The following TYW1B variants were observed in gnomAD, a reference collection of about 807,000 sequenced individuals.
The protein encoded by TYW1B is tRNA-yW synthesizing protein 1 homolog B, also known as S-adenosyl-L-methionine-dependent tRNA 4-demethylwyosine synthase TYW1B.
Under a neutral mutation model 86.9 loss-of-function variants are expected in TYW1B, and 73 were observed. The observed-to-expected ratio is 0.84, with a 90% CI of 0.70 to 1.02. TYW1B has a LOEUF of 1.02. Among genes scored for constraint, TYW1B ranks in the 50% least tolerant of loss-of-function variants. The pLI, the probability that TYW1B is intolerant of heterozygous loss-of-function variation, is 0.00. For synonymous variants in TYW1B, 248 were observed against 292.8 expected (o/e 0.85, Z 1.56); for missense variants, 637 against 827.4 (o/e 0.77, Z 2.82).
chr7:72,601,021 G>C (rs1430748624), intron 13 of TYW1B, among the ~76,000 whole-genome samples: 1 of 151,998 alleles, frequency 6.6e-6, no homozygotes, highest in Non-Finnish European at 1.5e-5. Flanking sequence ...GCTGGGTGTG[G>C]TGGCAGGCAC....
intron 6 of TYW1B, among the ~76,000 whole-genome samples, chr7:72,797,110 T>C (rs1563097088): frequency 6.6e-6 from 1 of 152,160 alleles, no homozygotes; most frequent in African/African-American, 2.4e-5. Flanking sequence ...CCCAGCCATA[T>C]ATATCTGGTC....
intron 6 of TYW1B, among the ~76,000 whole-genome samples, chr7:72,784,797 C>G (rs1363202323): frequency 2.0e-5 from 3 of 152,050 alleles, no homozygotes; most frequent in Non-Finnish European, 4.4e-5. Flanking sequence ...TGCGCCCGGC[C>G]TCCTAATATT....
At chr7:72,680,110 C>A (rs1452996313) in intron 11 of TYW1B, among the ~76,000 whole-genome samples, 1 of 152,236 alleles carries the variant, frequency 6.6e-6, no homozygotes, top group Non-Finnish European at 1.5e-5. Flanking sequence ...GCCTGGGCAA[C>A]AGAGCAAGAC....
intron 3 of TYW1B, among the ~76,000 whole-genome samples, chr7:72,814,618 G>A (rs780967256): frequency 6.6e-6 from 1 of 151,846 alleles, no homozygotes; most frequent in Non-Finnish European, 1.5e-5. Context: ...AAAATTAGCA[G>A]GGCATGGCAG....
At chr7:72,642,852 G>C (rs1169971882) in intron 11 of TYW1B, among the ~76,000 whole-genome samples, 1 of 152,174 alleles carries the variant, frequency 6.6e-6, no homozygotes, top group Non-Finnish European at 1.5e-5. Flanking sequence ...AGTGAGCCAA[G>C]ATCACACCAC....
At chr7:72,644,897 G>A (rs1456392229) in intron 11 of TYW1B, among the ~76,000 whole-genome samples, 2 of 145,814 alleles carry the variant, frequency 1.4e-5, no homozygotes, top group Admixed American at 7.1e-5. Context: ...CCGCGATCTC[G>A]GCTCACTGCA....
chr7:72,702,351 G>A (rs141692523), intron 10 of TYW1B, among the ~76,000 whole-genome samples: 1 of 152,184 alleles, frequency 6.6e-6, no homozygotes, highest in African/African-American at 2.4e-5. Context: ...CAGCTGCCGG[G>A]CTGCTGGTTT....
At chr7:72,811,021 C>T (rs1464449687) in intron 3 of TYW1B, among the ~76,000 whole-genome samples, 1 of 151,920 alleles carries the variant, frequency 6.6e-6, no homozygotes, top group Non-Finnish European at 1.5e-5. Context: ...CCTGTAATCC[C>T]AGCACTTTGG....
At chr7:72,737,876 A>G (rs1585942761) in intron 8 of TYW1B, among the ~76,000 whole-genome samples, 2 of 139,804 alleles carry the variant, frequency 1.4e-5, no homozygotes, top group South Asian at 4.6e-4. Flanking sequence ...CTGGGTTCAC[A>G]CCATTCTCCT....
At chr7:72,815,975 G>C (rs1788715068) in intron 2 of TYW1B, among the ~76,000 whole-genome samples, 1 of 152,138 alleles carries the variant, frequency 6.6e-6, no homozygotes, top group Non-Finnish European at 1.5e-5. Context: ...GATACAGTGA[G>C]CTATGATCAC....
intron 12 of TYW1B, among the ~76,000 whole-genome samples, chr7:72,627,873 C>A (rs1812386615): frequency 6.6e-6 from 1 of 152,182 alleles, no homozygotes. Context: ...AGCCAAGATG[C>A]ATGATCCATT....
chr7:72,748,241 C>T (rs4537194), intron 7 of TYW1B, among the ~76,000 whole-genome samples: 14,286 of 151,960 alleles, frequency 0.094, 1,168 homozygotes, highest in East Asian at 0.33. Flanking sequence ...TGCACTCCAG[C>T]CTGGGTGACA....
chr7:72,656,771 G>A (rs1339095307), intron 11 of TYW1B, among the ~76,000 whole-genome samples: 1 of 152,144 alleles, frequency 6.6e-6, no homozygotes, highest in Non-Finnish European at 1.5e-5. Flanking sequence ...AAGGTGAAGG[G>A]GGAGCAGGTG....
At chr7:72,740,322 C>T (rs1382209151) in intron 8 of TYW1B, among the ~76,000 whole-genome samples, 1 of 151,814 alleles carries the variant, frequency 6.6e-6, no homozygotes, top group African/African-American at 2.4e-5. Context: ...ATTGCTTGAA[C>T]CCAGGAAGTG....
intron 6 of TYW1B, among the ~76,000 whole-genome samples, chr7:72,793,957 C>A (rs1298540925): frequency 6.6e-6 from 1 of 152,240 alleles, no homozygotes; most frequent in East Asian, 1.9e-4. Flanking sequence ...GCCAATCCAG[C>A]CTCTCAAAGA....
intron 8 of TYW1B, among the ~76,000 whole-genome samples, chr7:72,738,350 T>G (rs1474277238): frequency 2.6e-5 from 4 of 152,196 alleles, no homozygotes; most frequent in Non-Finnish European, 5.9e-5. Flanking sequence ...CCCAAAGTGC[T>G]GGGATTACAG....
intron 4 of TYW1B, among the ~76,000 whole-genome samples, chr7:72,809,041 A>AT (rs35685950): frequency 0.021 from 2,416 of 117,580 alleles, 84 homozygotes; most frequent in African/African-American, 0.067. Context: ...AAAATTCATG[A>AT]TTTTTTTTTT....
At chr7:72,608,501 A>T (rs1400038758) in intron 13 of TYW1B, among the ~76,000 whole-genome samples, 1 of 152,206 alleles carries the variant, frequency 6.6e-6, no homozygotes, top group Non-Finnish European at 1.5e-5. Context: ...GCATAATGTA[A>T]TATGTAAATC....
chr7:72,617,080 G>A (rs545295739), intron 12 of TYW1B, among the ~76,000 whole-genome samples: 11 of 152,310 alleles, frequency 7.2e-5, no homozygotes, highest in South Asian at 2.1e-4. Flanking sequence ...AAGTACCTGC[G>A]CTTTCTACCG....
Sources: allele counts gnomAD v4.1 joint callset (sites outside exome capture counted in the v4.1 genomes callset), GRCh38; gene constraint gnomAD v4.1.1; transcripts MANE v1.5; gene names NCBI Gene and HGNC (gene_info 2026-07-23, HGNC 2026-07-21).